Variants in UGGT2 observed in about 807,000 individuals in gnomAD.
UGGT2 encodes UDP-glucose glycoprotein glucosyltransferase 2.
UGGT2 carries 180 observed loss-of-function variants against 192.1 expected under a neutral mutation model. The ratio of observed to expected loss-of-function variants is 0.94; its 90% CI spans 0.83 to 1.06. The LOEUF is 1.06. Ranked by LOEUF, UGGT2 falls within the 50% of genes least tolerant of loss-of-function variation. UGGT2 has a pLI of 0.00. For missense variants in UGGT2, 1,849 were observed against 1,795.7 expected (o/e 1.03, Z -0.54); for synonymous variants, 580 against 591.0 (o/e 0.98, Z 0.27).
intron 36 of UGGT2, among the ~76,000 whole-genome samples, chr13:95,851,952 C>G (rs1415031279): frequency 6.6e-6 from 1 of 152,176 alleles, no homozygotes; most frequent in East Asian, 1.9e-4. Context: ...TATTCATAAT[C>G]GAAATCTGGC....
chr13:95,858,030 G>A (rs1889784397), intron 33 of UGGT2, among the ~76,000 whole-genome samples: 1 of 147,700 alleles, frequency 6.8e-6, no homozygotes, highest in African/African-American at 2.5e-5. Flanking sequence ...TGTCAAATGA[G>A]CATAGGAGGA....
intron 38 of UGGT2, among the ~76,000 whole-genome samples, chr13:95,828,816 T>C (rs1886334829): frequency 6.6e-6 from 1 of 152,074 alleles, no homozygotes; most frequent in South Asian, 2.1e-4. Flanking sequence ...CTAACTCAAT[T>C]TATGAGGACA....
At position 95,877,718 on chromosome 13, in the gene UGGT2, T is replaced by A. The variant is rs1270010810; in HGVS notation, c.3367A>T (p.Thr1123Ser). The A allele has an allele frequency of 1.2e-6, 2 of 1,613,818 alleles. No homozygotes were observed. Among genetic ancestry groups the A allele is most frequent in the African/African-American group, 2.7e-5 (2 of 74,928 alleles). ...GTKNKPAVVD[T>S]IVMAHHGYFQ... The stretch of plus-strand genomic sequence containing the variant: ...CTTACATGATGTGCCATCACTATTG[T>A]ATCAACCACAGCAGGTTTATTTTTT... Residue 1123 changes from threonine to serine, a missense_variant, in exon 28 of 39, where the codon ACA (threonine) becomes TCA (serine). Physicochemically the swap from Thr to Ser is moderately conservative, Grantham distance 58. Coordinates refer to ENST00000376747, the MANE Select transcript of UGGT2 (RefSeq NM_020121.4).
chr13:95,962,807 A>G (rs558569144), intron 12 of UGGT2, among the ~76,000 whole-genome samples: 1 of 152,278 alleles, frequency 6.6e-6, no homozygotes, highest in African/African-American at 2.4e-5. Flanking sequence ...TGATAAAGGC[A>G]TACCCGAGAC....
chr13:95,861,266 A>C (rs1330402676), intron 31 of UGGT2, among the ~76,000 whole-genome samples: 2 of 152,118 alleles, frequency 1.3e-5, no homozygotes, highest in East Asian at 3.8e-4. Context: ...GAACTACGGC[A>C]CAGCAAGAAT....
intron 17 of UGGT2, among the ~76,000 whole-genome samples, chr13:95,928,181 C>T (rs1449525383): frequency 6.6e-6 from 1 of 152,206 alleles, no homozygotes; most frequent in Admixed American, 6.5e-5. Flanking sequence ...CTGTTGGGTA[C>T]ACCTCCCAGA....
At chr13:96,033,619 C>A (rs1360053642) in intron 1 of UGGT2, among the ~76,000 whole-genome samples, 2 of 152,212 alleles carry the variant, frequency 1.3e-5, no homozygotes, top group East Asian at 3.8e-4. Context: ...CTTGAAAGTG[C>A]CTGCTCCTGC....
In UGGT2 at chr13:95,920,644, C is replaced by T. The variant is rs561746311; in HGVS notation, c.2295+5036G>A. On this transcript the variant is annotated intron_variant, in intron 20 of 38. Coordinates refer to ENST00000376747, the MANE Select transcript of UGGT2 (RefSeq NM_020121.4). ...GCAAATCAAAACCACAATGAGATAA[C>T]ATCTCACGCCAGTCAGAATGGCCAT... 2.7e-3 allele frequency among the ~76,000 whole-genome samples: 414 copies of T among 152,310 alleles called. 4 individuals are homozygous for T. The highest frequency in any genetic ancestry group is 3.9e-3 in the Non-Finnish European group (265 of 68,036).
At chr13:96,009,374 G>A (rs901416977) in intron 5 of UGGT2, among the ~76,000 whole-genome samples, 2 of 152,136 alleles carry the variant, frequency 1.3e-5, no homozygotes, top group African/African-American at 4.8e-5. Flanking sequence ...CTTCTGCACA[G>A]CAAAAGAAAT....
intron 32 of UGGT2, among the ~76,000 whole-genome samples, chr13:95,860,220 T>C (rs889676220): frequency 2.0e-5 from 3 of 151,688 alleles, no homozygotes; most frequent in Non-Finnish European, 2.9e-5. Flanking sequence ...TTTTGTACTT[T>C]GCAATATGCA....
intron 4 of UGGT2, among the ~76,000 whole-genome samples, chr13:96,022,326 C>A (rs941949543): frequency 6.6e-6 from 1 of 151,746 alleles, no homozygotes; most frequent in East Asian, 1.9e-4. Context: ...CAATCAGGTT[C>A]GGGAAAAACT....
intron 20 of UGGT2, among the ~76,000 whole-genome samples, chr13:95,909,534 T>C (rs1194898143): frequency 1.5e-5 from 2 of 133,910 alleles, no homozygotes; most frequent in Admixed American, 8.5e-5. Context: ...TTCTCACTCA[T>C]AGGTGGGAAT....
At chr13:95,927,460 C>T (rs960978074) in intron 17 of UGGT2, 124 bp from the exon 18 acceptor site, 2 of 621,366 alleles carry the variant, frequency 3.2e-6, no homozygotes, top group African/African-American at 2.0e-5. Context: ...TATTACAATA[C>T]ATTTTCTTTC....
intron 4 of UGGT2, 86 bp downstream of exon 4, chr13:96,022,954 T>C: frequency 2.3e-6 from 2 of 874,468 alleles, no homozygotes; most frequent in Non-Finnish European, 3.2e-6. Flanking sequence ...CTTAGAATAT[T>C]AAATTTTTTT....
chr13:95,821,724 G>A (rs1230837675), intron 38 of UGGT2, among the ~76,000 whole-genome samples: 1 of 118,562 alleles, frequency 8.4e-6, no homozygotes, highest in East Asian at 4.4e-4. Flanking sequence ...GAGCCATCTT[G>A]AGTTAATTTT....
In UGGT2 at chr13:95,856,434, T is replaced by C. The variant is rs567370976; in HGVS notation, c.3826-94A>G. On this transcript the variant is annotated intron_variant, in intron 33 of 38. Coordinates refer to ENST00000376747, the MANE Select transcript of UGGT2 (RefSeq NM_020121.4). ...AACATTAAAAAGGTAAAGCTTCCTATAAATTGTTATAAACTAATAGGCAAG... is the reference window on the plus strand; with the variant it reads ...AACATTAAAAAGGTAAAGCTTCCTACAAATTGTTATAAACTAATAGGCAAG... The C allele has an allele frequency of 2.1e-5, 28 of 1,318,760 alleles. No homozygotes were observed. In the African/African-American group the frequency reaches 3.8e-4, roughly 18 times the overall value. The allele number at this position is 1,318,760 out of a possible 1,614,324, so 81.7% of individuals were successfully genotyped here. A position where few individuals can be genotyped will look rare whatever the true frequency, so the allele number is the denominator to read the frequency against.
chr13:95,815,810 A>G (rs974026404), intron 38 of UGGT2, among the ~76,000 whole-genome samples: 8 of 152,048 alleles, frequency 5.3e-5, no homozygotes. Flanking sequence ...TGTCCTCACC[A>G]AATCTCATCC....
chr13:95,906,820 G>C (rs1227073953), intron 20 of UGGT2, among the ~76,000 whole-genome samples: 1 of 152,176 alleles, frequency 6.6e-6, no homozygotes, highest in East Asian at 1.9e-4. Flanking sequence ...GTTCCAAGAT[G>C]GCCGAATAGG....
chr13:95,985,407 C>A (rs1051433051), intron 9 of UGGT2: 2 of 428,066 alleles, frequency 4.7e-6, no homozygotes, highest in South Asian at 2.5e-5. Flanking sequence ...TTGTAGCCAA[C>A]CATGTACTAT....
Sources: allele counts gnomAD v4.1 joint callset (sites outside exome capture counted in the v4.1 genomes callset), GRCh38; gene constraint gnomAD v4.1.1; transcripts MANE v1.5; gene names NCBI Gene and HGNC (gene_info 2026-07-23, HGNC 2026-07-21).